The following TESC variants were observed in gnomAD, a reference collection of about 807,000 sequenced individuals.
The protein encoded by TESC is tescalcin.
A neutral mutation model predicts 31.0 loss-of-function variants in TESC; 19 were observed. The ratio of observed to expected loss-of-function variants is 0.61; its 90% CI spans 0.43 to 0.90. The LOEUF (loss-of-function observed/expected upper bound fraction) is 0.90, where lower values mean the gene tolerates loss of function less well. Among genes scored for constraint, TESC ranks in the 40% least tolerant of loss-of-function variants. TESC has a pLI of 0.00. For missense variants in TESC, 248 were observed against 303.8 expected, an observed-to-expected ratio of 0.82 and a Z score of 1.36; for synonymous variants, 109 against 114.8, an observed-to-expected ratio of 0.95 and a Z score of 0.32.
chr12:117,075,672 C>G (rs546891564), intron 1 of TESC, among the ~76,000 whole-genome samples: 2 of 151,146 alleles, frequency 1.3e-5, no homozygotes, highest in African/African-American at 4.9e-5. Flanking sequence ...ACTTTGTTTT[C>G]TGTGGCAGGG....
chr12:117,098,945 C>T (rs935161851), intron 1 of TESC, among the ~76,000 whole-genome samples: 3 of 152,054 alleles, frequency 2.0e-5, no homozygotes, highest in African/African-American at 7.2e-5. Flanking sequence ...GCTTGGGAAG[C>T]CTGGGCCCCG....
intron 4 of TESC, chr12:117,048,582 A>C: frequency 2.5e-6 from 1 of 404,182 alleles, no homozygotes; most frequent in South Asian, 1.8e-5. Context: ...CCCATGGAGG[A>C]GGGAGAGGAG....
At chr12:117,071,227 AT>A (rs1369142264) in intron 2 of TESC, among the ~76,000 whole-genome samples, 1 of 152,140 alleles carries the variant, frequency 6.6e-6, no homozygotes, top group African/African-American at 2.4e-5. Flanking sequence ...TCATTCATTC[AT>A]TTATTCACTC....
intron 6 of TESC, among the ~76,000 whole-genome samples, chr12:117,043,268 G>C (rs777836109): frequency 6.6e-6 from 1 of 152,024 alleles, no homozygotes; most frequent in Non-Finnish European, 1.5e-5. Flanking sequence ...AAAAACCACC[G>C]AGAGGGAGTC....
chr12:117,044,534 C>T (rs1039616295), intron 6 of TESC, among the ~76,000 whole-genome samples: 13 of 152,168 alleles, frequency 8.5e-5, no homozygotes, highest in Admixed American at 3.3e-4. Context: ...GAAGCAGCCC[C>T]GGCTGAATGC....
At chr12:117,092,331 C>T (rs546104887) in intron 1 of TESC, among the ~76,000 whole-genome samples, 1 of 152,300 alleles carries the variant, frequency 6.6e-6, no homozygotes, top group South Asian at 2.1e-4. Flanking sequence ...GTGGCTGCGA[C>T]AGATGGTGAG....
chr12:117,051,670 G>C (rs1167765210), intron 3 of TESC, among the ~76,000 whole-genome samples: 5 of 152,176 alleles, frequency 3.3e-5, no homozygotes, highest in African/African-American at 9.7e-5. Flanking sequence ...CAGCAAGAGG[G>C]ATTAAGATTA....
At position 117,076,362 on chromosome 12, in the gene TESC, T is replaced by TA. The variant is rs537958553; in HGVS notation, c.59-1023dup. On this transcript the variant is annotated intron_variant, in intron 1 of 7. Transcript: ENST00000335209. ...TGGTGATGGGGTAAGACCCTGTCTC[T>TA]AAAAAATGCACAATATTAAACAATG... is the stretch of plus-strand genomic sequence containing the variant. Among the ~76,000 whole-genome samples the TA allele has an allele frequency of 5.9e-5, 9 of 152,278 alleles. 1 individual carries two copies. The South Asian group carries it at 1.4e-3, about 25-fold the overall frequency.
rs1438990462 is a variant in TESC at position 117,046,676 on chromosome 12, G to C, written c.412-10C>G. 6.4e-7 allele frequency: 1 copy of C among 1,552,110 alleles called. No homozygotes were observed. Among genetic ancestry groups the C allele is most frequent in the East Asian group, 2.4e-5 (1 of 40,980 alleles). On this transcript the variant is annotated splice_polypyrimidine_tract_variant and intron_variant, in intron 5 of 7. Transcript: ENST00000335209. ...GCAGCTCCTCGACCACCTGCCAGGT[G>C]GGGCGGAAACAAACGGTGACCTTGG... is the stretch of plus-strand genomic sequence containing the variant.
intron 2 of TESC, among the ~76,000 whole-genome samples, 164 bp downstream of exon 2, chr12:117,075,107 C>A (rs1955029256): frequency 1.3e-5 from 2 of 152,190 alleles, no homozygotes; most frequent in Non-Finnish European, 2.9e-5. Flanking sequence ...GACAGCACCA[C>A]TGCACTCCAG....
intron 2 of TESC, among the ~76,000 whole-genome samples, chr12:117,059,598 T>C (rs1954774106): frequency 6.6e-6 from 1 of 152,178 alleles, no homozygotes; most frequent in Non-Finnish European, 1.5e-5. Context: ...TTCACTCTGT[T>C]GCCCAGGCTG....
At chr12:117,073,786 T>C (rs1312597463) in intron 2 of TESC, among the ~76,000 whole-genome samples, 1 of 152,102 alleles carries the variant, frequency 6.6e-6, no homozygotes, top group African/African-American at 2.4e-5. Context: ...GACCTCTCAC[T>C]AACCCAGCTG....
At chr12:117,093,790 T>TG (rs1397057230) in intron 1 of TESC, among the ~76,000 whole-genome samples, 1 of 152,046 alleles carries the variant, frequency 6.6e-6, no homozygotes, top group Admixed American at 6.5e-5. Flanking sequence ...GATTTTTTTT[T>TG]TTTTTTTCCT....
In TESC at chr12:117,059,359, C is replaced by T. The variant is rs887004095; in HGVS notation, c.129-2473G>A. 2.0e-5 allele frequency among the ~76,000 whole-genome samples: 3 copies of T among 152,184 alleles called. No homozygotes were observed. The South Asian group carries it at 6.2e-4, about 31-fold the overall frequency. ...CCGGCATGGCCTCCTGTCCCTCCCA[C>T]CCAGGCCTTTCAGCTGGGCTCACTC... On this transcript the variant is annotated intron_variant, in intron 2 of 7. Coordinates refer to ENST00000335209, the MANE Select transcript of TESC (RefSeq NM_017899.4).
intron 6 of TESC, among the ~76,000 whole-genome samples, chr12:117,046,100 G>A (rs1954553766): frequency 6.6e-6 from 1 of 152,140 alleles, no homozygotes; most frequent in African/African-American, 2.4e-5. Flanking sequence ...CTCCTCCACC[G>A]GACTCCATGC....
At chr12:117,040,610 G>A (rs993706527) in intron 7 of TESC, among the ~76,000 whole-genome samples, 1 of 152,078 alleles carries the variant, frequency 6.6e-6, no homozygotes, top group Non-Finnish European at 1.5e-5. Context: ...TGGTGACCGG[G>A]TCCCCAGCAT....
At chr12:117,091,780 A>C (rs1240332226) in intron 1 of TESC, among the ~76,000 whole-genome samples, 3 of 152,064 alleles carry the variant, frequency 2.0e-5, no homozygotes, top group African/African-American at 2.4e-5. Flanking sequence ...CATCACCCAG[A>C]ACCAATCCTA....
intron 2 of TESC, among the ~76,000 whole-genome samples, chr12:117,060,540 G>A (rs1322732075): frequency 1.3e-5 from 2 of 152,166 alleles, no homozygotes; most frequent in Non-Finnish European, 2.9e-5. Context: ...CCAGGGAGAT[G>A]ATCTACGAAA....
chr12:117,046,729 G>C lies in TESC; in HGVS notation c.411+48C>G, dbSNP rs370013814. The C allele has an allele frequency of 2.6e-6, 4 of 1,553,698 alleles. No individual in the cohort carries two copies. In the Admixed American group the frequency reaches 5.9e-5, roughly 23 times the overall value. ...CTCCATCAGGGTCGTGGGGGGCAGA[G>C]GGGGAAGGCACCAGGAGCCCCGGGC... On this transcript the variant is annotated intron_variant, in intron 5 of 7. Transcript: ENST00000335209.
Sources: gnomAD v4.1 joint callset for allele counts (sites outside exome capture counted in the v4.1 genomes callset) on GRCh38, gnomAD v4.1.1 for gene constraint, MANE v1.5 for transcripts, NCBI Gene and HGNC (gene_info 2026-07-23, HGNC 2026-07-21) for gene names.